DDX60L: variants seen among roughly 807,000 people sequenced by gnomAD.
DDX60L encodes the protein DExD/H-box 60 like, also known as probable ATP-dependent RNA helicase DDX60-like.
Under a neutral mutation model 211.6 loss-of-function variants are expected in DDX60L, and 191 were observed. The observed-to-expected ratio is 0.90, with a 90% CI of 0.80 to 1.02. DDX60L has a LOEUF of 1.02. Ranked by LOEUF, DDX60L falls within the 50% of genes least tolerant of loss-of-function variation. The pLI, the probability that DDX60L is intolerant of heterozygous loss-of-function variation, is 0.00. For missense variants in DDX60L, 2,007 were observed against 1,984.1 expected, an observed-to-expected ratio of 1.01 and a Z score of -0.22; for synonymous variants, 706 against 694.1, an observed-to-expected ratio of 1.02 and a Z score of -0.27.
At chr4:168,425,108 C>T (rs1019586275) in intron 14 of DDX60L, among the ~76,000 whole-genome samples, 1 of 152,190 alleles carries the variant, frequency 6.6e-6, no homozygotes, top group African/African-American at 2.4e-5. Flanking sequence ...ACGATGATAG[C>T]GGAGCCTAAG....
At chr4:168,429,987 C>T (rs1275568986) in intron 13 of DDX60L, among the ~76,000 whole-genome samples, 2 of 152,126 alleles carry the variant, frequency 1.3e-5, no homozygotes, top group African/African-American at 2.4e-5. Context: ...CACCTGAGGT[C>T]GGGAGTTCGA....
intron 22 of DDX60L, 126 bp downstream of exon 22, chr4:168,415,282 A>G (rs1749350075): frequency 2.1e-6 from 1 of 471,698 alleles, no homozygotes; most frequent in African/African-American, 2.0e-5. Context: ...GAATAAAATA[A>G]AAGAATCAGT....
In DDX60L at chr4:168,471,824, G is replaced by A. The variant is rs755913066; in HGVS notation, c.187C>T (p.His63Tyr). The A allele has an allele frequency of 1.9e-5, 31 of 1,613,740 alleles. 1 individual carries two copies. The South Asian group carries it at 3.4e-4, about 18-fold the overall frequency. The change falls in exon 4 of 38, where the codon CAC (histidine) becomes TAC (tyrosine). Residue 63 changes from histidine to tyrosine, a missense_variant. Physicochemically the swap from His to Tyr is moderately conservative, Grantham distance 83 (BLOSUM62 2). Coordinates refer to ENST00000682922, the MANE Select transcript of DDX60L (RefSeq NM_001012967.3). The part of the protein sequence containing the change: ...VKSFKWGQNL[H>Y]FFYLVECYLV... ...TAGCATTCAACCAGATAGAAAAAGT[G>A]GAGATTCTGTCCCCACTTGAATGAT... is the stretch of plus-strand genomic sequence containing the variant.
Position 168,427,329 on chromosome 4 carries a change from A to C in DDX60L, c.1678-7T>G. On this transcript the variant is annotated splice_region_variant and splice_polypyrimidine_tract_variant and intron_variant, in intron 13 of 37. Coordinates refer to ENST00000682922, the MANE Select transcript of DDX60L (RefSeq NM_001012967.3). ...TTTGGTGGGGTTTGGTATTCTGCTC[A>C]ATAATAAAAGGAACATATGAAACAA... 1 of 1,606,462 alleles carries C rather than the reference A, an allele frequency of 6.2e-7. No individual in the cohort carries two copies. The highest frequency in any genetic ancestry group is 1.1e-5 in the South Asian group (1 of 89,626).
intron 25 of DDX60L, 66 bp from the exon 26 acceptor site, chr4:168,401,044 A>G: frequency 2.1e-6 from 3 of 1,458,326 alleles, no homozygotes; most frequent in Non-Finnish European, 2.8e-6. Context: ...AACCAAAAAT[A>G]AAATTATAAG....
chr4:168,361,574 A>C (rs937079729), intron 36 of DDX60L: 1 of 160,000 alleles, frequency 6.3e-6, no homozygotes, highest in Admixed American at 6.4e-5. Context: ...AGTTCTTCAT[A>C]ACTAAGAACT....
At position 168,406,048 on chromosome 4, in the gene DDX60L, T is replaced by C; in HGVS notation, c.3115A>G (p.Lys1039Glu). ...ELCPEEFILF[K>E]NKIVIKKLDA... ...AACTTCTTAATGACTATCTTATTCT[T>C]AAAAAGAATGAATTCCTCTGGACAC... Residue 1039 changes from lysine (K) to glutamate (E), a missense_variant, in exon 24 of 38, where the codon AAG becomes GAG. Lys to Glu is a moderately conservative substitution (Grantham distance 56). Coordinates refer to ENST00000682922, the MANE Select transcript of DDX60L (RefSeq NM_001012967.3). 1 of 1,599,236 alleles carries C rather than the reference T, an allele frequency of 6.3e-7. No individual in the cohort carries two copies. The highest frequency in any genetic ancestry group is 8.5e-7 in the Non-Finnish European group (1 of 1,175,092).
In DDX60L at chr4:168,373,666, C is replaced by G. The variant is rs538224908; in HGVS notation, c.4776G>C (p.Gln1592His). Residue 1592 changes from glutamine (Q) to histidine (H), a missense_variant and splice_region_variant, in exon 35 of 38, where the codon CAG (glutamine) becomes CAC (histidine). Physicochemically the swap from Gln to His is conservative, Grantham distance 24. Coordinates refer to ENST00000682922, the MANE Select transcript of DDX60L (RefSeq NM_001012967.3). ...TACATAAGATGTATCCTTCACTTAC[C>G]TGGTTGATAGTCTCTGGTCGAAGCA... ...NDLLRPETIN[Q>H]VILRTVGVSG... 6.2e-7 allele frequency: 1 copy of G among 1,613,008 alleles called. No individual in the cohort carries two copies. Among genetic ancestry groups the G allele is most frequent in the East Asian group, 2.2e-5 (1 of 44,858 alleles).
Position 168,415,720 on chromosome 4 carries a change from C to T in DDX60L, c.2806G>A (p.Asp936Asn), listed in dbSNP as rs762284327. ...TCTTGGAGAAAGTTGAGACATTTGT[C>T]AGCCTGTTTTTCAGAAATACATTTC... is the stretch of plus-strand genomic sequence containing the variant. ...EEKCISEKQA[D>N]KCLNFLQDHS... The change falls in exon 21 of 38, where the codon GAC (aspartate) becomes AAC (asparagine). Residue 936 changes from aspartate (D) to asparagine (N), a missense_variant. Physicochemically the swap from Asp to Asn is conservative, Grantham distance 23. Coordinates refer to ENST00000682922, the MANE Select transcript of DDX60L (RefSeq NM_001012967.3). The T allele has an allele frequency of 6.2e-7, 1 of 1,602,770 alleles. No individual in the cohort carries two copies. Among genetic ancestry groups the T allele is most frequent in the Non-Finnish European group, 8.5e-7 (1 of 1,173,602 alleles).
In DDX60L at chr4:168,400,882, AC is replaced by A. The variant is rs1303246920; in HGVS notation, c.3434del (p.Ser1145IlefsTer6). The stretch of plus-strand genomic sequence containing the variant: ...GTACTTCATCTATTGCAAAGACATA[AC>A]TATGACATTCAGTGTGGGGATGGCT... ...TKSHPHTECH[S>X]YVFAIDEVLE... is the part of the protein sequence containing the mutation. On this transcript the variant is annotated frameshift_variant, in exon 26 of 38. Transcript: ENST00000682922. LOFTEE classifies it high-confidence loss of function. 5 of 1,613,568 alleles carry A rather than the reference AC, an allele frequency of 3.1e-6. No individual in the cohort carries two copies. Among genetic ancestry groups the A allele is most frequent in the Non-Finnish European group, 4.2e-6 (5 of 1,179,632 alleles).
intron 29 of DDX60L, among the ~76,000 whole-genome samples, 152 bp downstream of exon 29, chr4:168,391,388 A>T (rs1744787406): frequency 6.6e-6 from 1 of 152,264 alleles, no homozygotes. Context: ...TGAAGCAACA[A>T]GATATGAGGC....
At chr4:168,435,603 C>T (rs1261642833) in intron 10 of DDX60L, among the ~76,000 whole-genome samples, 1 of 150,624 alleles carries the variant, frequency 6.6e-6, no homozygotes, top group Admixed American at 6.6e-5. Flanking sequence ...AGCTATCGAG[C>T]TGGCAAATGC....
Position 168,422,566 on chromosome 4 carries a change from A to G in DDX60L, c.2202T>C (p.Asp734=), listed in dbSNP as rs1408559773. The change falls in exon 16 of 38, where the codon GAT becomes GAC. Residue 734 remains aspartate (D), a synonymous_variant. Coordinates refer to ENST00000682922, the MANE Select transcript of DDX60L (RefSeq NM_001012967.3). ...GHYLIRDERK[D]RDPRVQDFIP... ...TAAAATCCTGGACCCTGGGATCCCG[A>G]TCTTTTCTTTCATCTCTTATCAAGT... 3.1e-6 allele frequency: 5 copies of G among 1,613,284 alleles called. No individual in the cohort carries two copies. The highest frequency in any genetic ancestry group is 4.2e-6 in the Non-Finnish European group (5 of 1,179,718).
At chr4:168,396,666 A>G (rs1360161616) in intron 26 of DDX60L, among the ~76,000 whole-genome samples, 3 of 151,948 alleles carry the variant, frequency 2.0e-5, no homozygotes, top group African/African-American at 7.3e-5. Flanking sequence ...TACACATCCA[A>G]CTTGAAATGT....
intron 13 of DDX60L, 42 bp downstream of exon 13, chr4:168,430,436 C>T: frequency 6.6e-7 from 1 of 1,516,108 alleles, no homozygotes; most frequent in Non-Finnish European, 8.8e-7. Flanking sequence ...GAAAACAAAA[C>T]AACATCAAAG....
chr4:168,373,738 T>C lies in DDX60L; in HGVS notation c.4704A>G (p.Val1568=), dbSNP rs1384960801. The change falls in exon 35 of 38, where the codon GTA becomes GTG. Residue 1568 remains valine (V), a synonymous_variant. Coordinates refer to ENST00000682922, the MANE Select transcript of DDX60L (RefSeq NM_001012967.3). ...SHLMSCKKGR[V]AISPFVCLSG... ...AAAGACAAACAAATGGTGAAATGGC[T>C]ACTCTTCCTTTCTTGCAGCTCATCA... The C allele has an allele frequency of 1.9e-6, 3 of 1,614,042 alleles. No individual in the cohort carries two copies. Among genetic ancestry groups the C allele is most frequent in the Non-Finnish European group, 2.5e-6 (3 of 1,179,890 alleles).
intron 8 of DDX60L, among the ~76,000 whole-genome samples, chr4:168,452,316 T>C (rs1755908315): frequency 6.6e-6 from 1 of 152,248 alleles, no homozygotes. Flanking sequence ...TCATTACAAA[T>C]TATCCCTCAA....
At position 168,456,048 on chromosome 4, in the gene DDX60L, A is replaced by AT; in HGVS notation, c.827dup (p.His276GlnfsTer8). ...TGTTCTTTTTACTTACTAAGACACG[A>AT]TGGTACATTCTCAAGGATAGTGAAC... On this transcript the variant is annotated frameshift_variant, in exon 7 of 38. Transcript: ENST00000682922. LOFTEE classifies it high-confidence loss of function. The AT allele has an allele frequency of 6.3e-7, 1 of 1,585,776 alleles. No individual in the cohort carries two copies. Among genetic ancestry groups the AT allele is most frequent in the Non-Finnish European group, 8.6e-7 (1 of 1,168,090 alleles).
chr4:168,429,452 C>T (rs537555409), intron 13 of DDX60L, among the ~76,000 whole-genome samples: 1 of 152,156 alleles, frequency 6.6e-6, no homozygotes. Context: ...ACCCAGCCCA[C>T]AAACATTTCT....
Sources: allele counts gnomAD v4.1 joint callset (sites outside exome capture counted in the v4.1 genomes callset), GRCh38; gene constraint gnomAD v4.1.1; transcripts MANE v1.5; gene names NCBI Gene and HGNC (gene_info 2026-07-23, HGNC 2026-07-21).